CLSTN2: variants seen among roughly 807,000 people sequenced by gnomAD.
CLSTN2 encodes calsyntenin-2.
In CLSTN2, 48 loss-of-function variants were observed where a neutral mutation model predicts 101.2. The ratio of observed to expected loss-of-function variants is 0.47; its 90% CI spans 0.38 to 0.60. CLSTN2 has a LOEUF of 0.60. Ranked by LOEUF, CLSTN2 falls within the 20% of genes least tolerant of loss-of-function variation. The probability of loss-of-function intolerance (pLI) is 0.00; values close to 1 mark genes in which losing one functional copy is unlikely to be tolerated. For synonymous variants in CLSTN2, 481 were observed against 463.6 expected, an observed-to-expected ratio of 1.04 and a Z score of -0.48; for missense variants, 1,160 against 1,238.2, an observed-to-expected ratio of 0.94 and a Z score of 0.95.
intron 2 of CLSTN2, among the ~76,000 whole-genome samples, chr3:140,313,111 T>C (rs1422299343): frequency 6.6e-6 from 1 of 152,202 alleles, no homozygotes; most frequent in Non-Finnish European, 1.5e-5. Context: ...GATGGCTGAA[T>C]CTGACACTGC....
chr3:140,371,427 T>A (rs940949674), intron 2 of CLSTN2, among the ~76,000 whole-genome samples: 2 of 152,148 alleles, frequency 1.3e-5, no homozygotes, highest in African/African-American at 4.8e-5. Flanking sequence ...CTGACCATGT[T>A]GTTACAGTAG....
chr3:140,437,705 G>T (rs1345966601), intron 5 of CLSTN2, among the ~76,000 whole-genome samples: 1 of 152,236 alleles, frequency 6.6e-6, no homozygotes, highest in Admixed American at 6.5e-5. Flanking sequence ...TATGAGCTCT[G>T]CATTCTGTTA....
intron 2 of CLSTN2, among the ~76,000 whole-genome samples, chr3:140,263,163 G>C (rs1168455569): frequency 6.6e-6 from 1 of 151,898 alleles, no homozygotes; most frequent in African/African-American, 2.4e-5. Flanking sequence ...GAAAAAGAAG[G>C]GGTTATTCAG....
intron 2 of CLSTN2, among the ~76,000 whole-genome samples, chr3:140,193,774 G>T (rs2010606186): frequency 6.6e-6 from 1 of 151,954 alleles, no homozygotes; most frequent in African/African-American, 2.4e-5. Context: ...TGCCATGAAT[G>T]TTGAATATTT....
At chr3:140,424,278 C>A (rs974082364) in intron 5 of CLSTN2, among the ~76,000 whole-genome samples, 1 of 152,186 alleles carries the variant, frequency 6.6e-6, no homozygotes, top group African/African-American at 2.4e-5. Context: ...TCAGTCACTG[C>A]CCCAGTAGAC....
chr3:140,406,688 G>T (rs1326558660), intron 4 of CLSTN2, among the ~76,000 whole-genome samples: 1 of 152,154 alleles, frequency 6.6e-6, no homozygotes, highest in Admixed American at 6.5e-5. Context: ...TCTCCTCTGG[G>T]TTTCTTTTTC....
chr3:140,140,377 G>A (rs1389454778), intron 1 of CLSTN2, among the ~76,000 whole-genome samples: 3 of 152,102 alleles, frequency 2.0e-5, no homozygotes, highest in Non-Finnish European at 2.9e-5. Flanking sequence ...GGAAGGCAAA[G>A]GAAGAGCAGG....
chr3:140,339,284 G>A (rs1418173246), intron 2 of CLSTN2, among the ~76,000 whole-genome samples: 2 of 152,154 alleles, frequency 1.3e-5, no homozygotes, highest in Non-Finnish European at 2.9e-5. Flanking sequence ...TCTGTGTGGA[G>A]GGTAGAAGAA....
intron 2 of CLSTN2, among the ~76,000 whole-genome samples, chr3:140,189,012 G>A (rs1251919774): frequency 6.6e-6 from 1 of 152,120 alleles, no homozygotes; most frequent in African/African-American, 2.4e-5. Context: ...TGATATGAAT[G>A]GAATCATACA....
In CLSTN2 at chr3:140,403,915, C is replaced by A. The variant is rs181031528; in HGVS notation, c.428+91C>A. ...GCTGCTCTTCAGATATGTTTACCCT[C>A]TTGTCACACAATGGTGCTCCAACTT... On this transcript the variant is annotated intron_variant, in intron 3 of 16. Coordinates refer to ENST00000458420, the MANE Select transcript of CLSTN2 (RefSeq NM_022131.3). The A allele has an allele frequency of 3.0e-3, 3,293 of 1,086,464 alleles. 11 individuals carry two copies. The highest frequency in any genetic ancestry group is 3.7e-3 in the Non-Finnish European group (2,789 of 749,358). The allele number at this position is 1,086,464 out of a possible 1,614,324, so 67.3% of individuals were successfully genotyped here.
At chr3:140,059,997 G>T (rs1460878433) in intron 1 of CLSTN2, among the ~76,000 whole-genome samples, 2 of 152,130 alleles carry the variant, frequency 1.3e-5, no homozygotes, top group African/African-American at 2.4e-5. Context: ...CATGTCTGTG[G>T]CAATTGATGA....
At chr3:140,282,269 G>A (rs142742389) in intron 2 of CLSTN2, among the ~76,000 whole-genome samples, 148 of 152,244 alleles carry the variant, frequency 9.7e-4, no homozygotes, top group African/African-American at 3.3e-3. Flanking sequence ...AATTTGATGG[G>A]GGAAGAACTG....
At chr3:140,127,030 T>C (rs2009445319) in intron 1 of CLSTN2, among the ~76,000 whole-genome samples, 1 of 152,202 alleles carries the variant, frequency 6.6e-6, no homozygotes, top group Non-Finnish European at 1.5e-5. Context: ...GTCATATATA[T>C]ATATCATGTG....
intron 10 of CLSTN2, among the ~76,000 whole-genome samples, chr3:140,553,896 C>G (rs1191421285): frequency 6.6e-6 from 1 of 152,094 alleles, no homozygotes; most frequent in Non-Finnish European, 1.5e-5. Flanking sequence ...ACTCCCACAG[C>G]GCTTCACTAA....
chr3:140,244,691 G>A (rs1295125217), intron 2 of CLSTN2, among the ~76,000 whole-genome samples: 1 of 152,106 alleles, frequency 6.6e-6, no homozygotes, highest in Non-Finnish European at 1.5e-5. Flanking sequence ...TTAACCAAAG[G>A]AGAGGTCATC....
At chr3:140,205,652 A>G (rs1236132056) in intron 2 of CLSTN2, among the ~76,000 whole-genome samples, 1 of 119,074 alleles carries the variant, frequency 8.4e-6, no homozygotes, top group Non-Finnish European at 1.7e-5. Context: ...GCCACCTGCT[A>G]TGCATGTTCA....
At chr3:139,939,326 G>T (rs1430772978) in intron 1 of CLSTN2, among the ~76,000 whole-genome samples, 1 of 152,182 alleles carries the variant, frequency 6.6e-6, no homozygotes, top group East Asian at 1.9e-4. Context: ...CACAGATGAA[G>T]AAACAAATTC....
chr3:140,320,383 C>A (rs1343447566), intron 2 of CLSTN2, among the ~76,000 whole-genome samples: 1 of 152,086 alleles, frequency 6.6e-6, no homozygotes, highest in East Asian at 1.9e-4. Flanking sequence ...TGATCACCTC[C>A]CCCTAGAAGA....
At chr3:139,986,664 G>A (rs917730757) in intron 1 of CLSTN2, among the ~76,000 whole-genome samples, 4 of 152,134 alleles carry the variant, frequency 2.6e-5, no homozygotes, top group Non-Finnish European at 5.9e-5. Flanking sequence ...AGCCCTTTAT[G>A]GACTTTTCAT....
Sources: gnomAD v4.1 joint callset for allele counts (sites outside exome capture counted in the v4.1 genomes callset) on GRCh38, gnomAD v4.1.1 for gene constraint, MANE v1.5 for transcripts, NCBI Gene and HGNC (gene_info 2026-07-23, HGNC 2026-07-21) for gene names.